PTPN2: variants seen among roughly 807,000 people sequenced by gnomAD.
The protein encoded by PTPN2 is tyrosine-protein phosphatase non-receptor type 2.
Under a neutral mutation model 57.3 loss-of-function variants are expected in PTPN2, and 19 were observed. The observed-to-expected ratio is 0.33, with a 90% confidence interval of 0.23 to 0.49. The LOEUF is 0.49. Among genes scored for constraint, PTPN2 ranks in the 20% least tolerant of loss-of-function variants. The probability of loss-of-function intolerance (pLI) is 0.99; values close to 1 mark genes in which losing one functional copy is unlikely to be tolerated. For synonymous variants in PTPN2, 153 were observed against 164.9 expected, an observed-to-expected ratio of 0.93 and a Z score of 0.55; for missense variants, 358 against 501.1, an observed-to-expected ratio of 0.71 and a Z score of 2.73.
rs1188397881 is a variant in PTPN2, at chr18:12,814,355, T to C, written c.706A>G (p.Met236Val). The change falls in exon 7 of 9, where the codon ATG (methionine) becomes GTG (valine). Residue 236 changes from methionine (M) to valine (V), a missense_variant and splice_region_variant. Around this residue, in one of 4 missense-constraint regions of PTPN2, gnomAD observed 193 missense variants for 315.4 expected, o/e 0.61. Coordinates refer to ENST00000309660, the MANE Select transcript of PTPN2 (RefSeq NM_002828.4). ...ATGTTAATATCATCTCCTTTTTCCA[T>C]CTGCAAGAAAGGCAAAAAATGAGAC... The part of the protein sequence containing the change: ...FSLVDTCLVL[M>V]EKGDDINIKQ... The C allele has an allele frequency of 1.3e-6, 2 of 1,580,164 alleles. No individual in the cohort carries two copies. The highest frequency in any genetic ancestry group is 2.3e-5 in the South Asian group (2 of 85,450).
Position 12,848,019 on chromosome 18 carries a change from C to T in PTPN2, c.161-11128G>A, listed in dbSNP as rs113452315. Among the ~76,000 whole-genome samples the T allele has an allele frequency of 2.8e-3, 420 of 151,892 alleles. 2 individuals carry two copies. Among genetic ancestry groups the T allele is most frequent in the African/African-American group, 9.7e-3 (400 of 41,398 alleles). ...CAACGGATTTTGAGAAGGTAAAGCACTACACTGACATCTGGTCTTTATTTT... is the reference window on the plus strand; with the variant it reads ...CAACGGATTTTGAGAAGGTAAAGCATTACACTGACATCTGGTCTTTATTTT... On this transcript the variant is annotated intron_variant, in intron 2 of 8. Coordinates refer to ENST00000309660, the MANE Select transcript of PTPN2 (RefSeq NM_002828.4).
At chr18:12,847,845 C>T (rs996941582) in intron 2 of PTPN2, among the ~76,000 whole-genome samples, 3 of 150,938 alleles carry the variant, frequency 2.0e-5, no homozygotes, top group Non-Finnish European at 4.4e-5. Context: ...GTGATCCACC[C>T]ACCTCTGCCT....
chr18:12,809,771 C>A (rs1293128543), intron 7 of PTPN2, among the ~76,000 whole-genome samples: 2 of 152,196 alleles, frequency 1.3e-5, no homozygotes, highest in Non-Finnish European at 2.9e-5. Flanking sequence ...CAATATGGTA[C>A]TGTTAAAAGC....
chr18:12,884,001 G>A (rs2044768392), intron 1 of PTPN2, 72 bp downstream of exon 1: 5 of 1,345,278 alleles, frequency 3.7e-6, no homozygotes, highest in South Asian at 1.3e-5. Flanking sequence ...GAGGCGGGAG[G>A]GACCCTGCGG....
intron 7 of PTPN2, among the ~76,000 whole-genome samples, chr18:12,805,295 A>G (rs1568089563): frequency 1.3e-5 from 2 of 151,978 alleles, no homozygotes; most frequent in Non-Finnish European, 2.9e-5. Flanking sequence ...CATCTCTACT[A>G]TAAATACAAA....
chr18:12,884,060 G>C lies in PTPN2; in HGVS notation c.69+13C>G, dbSNP rs765551608. The C allele has an allele frequency of 6.4e-7, 1 of 1,566,468 alleles. No individual in the cohort carries two copies. Among genetic ancestry groups the C allele is most frequent in the Non-Finnish European group, 8.6e-7 (1 of 1,157,464 alleles). ...GAGGAGGTCGGCGACTGCCGCGTGG[G>C]TCCGCGACTCACCAAGTACAGCGGC... On this transcript the variant is annotated intron_variant, in intron 1 of 8. Transcript: ENST00000309660.
At chr18:12,863,308 A>T (rs968686721) in intron 1 of PTPN2, 1 of 152,068 alleles carries the variant, frequency 6.6e-6, no homozygotes, top group Non-Finnish European at 1.5e-5. Context: ...AAATTTTTTT[A>T]ATTAGCTGGG....
intron 5 of PTPN2, among the ~76,000 whole-genome samples, chr18:12,819,682 T>C (rs2042206893): frequency 6.6e-6 from 1 of 151,962 alleles, no homozygotes; most frequent in Non-Finnish European, 1.5e-5. Flanking sequence ...ATTTATTGCA[T>C]TAAAAAAGAG....
intron 1 of PTPN2, among the ~76,000 whole-genome samples, chr18:12,870,500 A>AGAGAGAGAGAG (rs765653644): frequency 1.1e-4 from 6 of 52,742 alleles, no homozygotes; most frequent in Admixed American, 2.1e-4. Context: ...GAGAGAGAGA[A>AGAGAGAGAGAG]AAGCGTGTTG....
At chr18:12,874,683 G>A (rs1270939352) in intron 1 of PTPN2, among the ~76,000 whole-genome samples, 10 of 149,170 alleles carry the variant, frequency 6.7e-5, no homozygotes, top group South Asian at 4.3e-4. Flanking sequence ...GGAGGGAGGT[G>A]GGGGGGTCAA....
At chr18:12,857,863 A>G (rs548001613) in intron 2 of PTPN2, among the ~76,000 whole-genome samples, 2 of 152,366 alleles carry the variant, frequency 1.3e-5, no homozygotes, top group East Asian at 3.9e-4. Context: ...AAAAGCATTA[A>G]GAGAAACATA....
intron 2 of PTPN2, among the ~76,000 whole-genome samples, chr18:12,842,165 CAA>C (rs1206226358): frequency 6.6e-6 from 1 of 152,154 alleles, no homozygotes; most frequent in Non-Finnish European, 1.5e-5. Context: ...CTCGGCCTCC[CAA>C]AGTGTTGGGA....
intron 2 of PTPN2, among the ~76,000 whole-genome samples, chr18:12,842,594 C>T (rs1011902796): frequency 3.9e-5 from 6 of 152,032 alleles, no homozygotes; most frequent in African/African-American, 1.4e-4. Context: ...GCACAGAGAA[C>T]GGCGAATGAC....
At chr18:12,841,761 T>G (rs1252694509) in intron 2 of PTPN2, among the ~76,000 whole-genome samples, 1 of 152,104 alleles carries the variant, frequency 6.6e-6, no homozygotes. Context: ...TCCCCAAGAG[T>G]CTGCAATGAA....
chr18:12,874,373 A>C (rs1251753852), intron 1 of PTPN2, among the ~76,000 whole-genome samples: 2 of 121,034 alleles, frequency 1.7e-5, no homozygotes, highest in Admixed American at 1.7e-4. Flanking sequence ...GGCCGCCCCT[A>C]CTGGGAAGTG....
chr18:12,859,212 T>C lies in PTPN2; in HGVS notation c.112A>G (p.Lys38Glu). 6.2e-7 allele frequency: 1 copy of C among 1,613,566 alleles called. No individual in the cohort carries two copies. The highest frequency in any genetic ancestry group is 8.5e-7 in the Non-Finnish European group (1 of 1,179,578). The change falls in exon 2 of 9, where the codon AAG becomes GAG. Residue 38 changes from lysine to glutamate, a missense_variant. Transcript: ENST00000309660. ...TTTCGATTTCTGTTTTCTGGAAACT[T>C]GGCCACTCTATGAGGATAGTCATGG... ...ESHDYPHRVA[K>E]FPENRNRNRY... is the part of the protein sequence containing the mutation.
intron 1 of PTPN2, among the ~76,000 whole-genome samples, chr18:12,864,436 G>T (rs1219455595): frequency 1.3e-4 from 19 of 149,362 alleles, no homozygotes; most frequent in Admixed American, 1.1e-3. Context: ...TTGCTCTGTT[G>T]CCAGGCTAGG....
exon 10 of PTPN2, chr18:12,785,769 T>C (rs2040830748): frequency 3.9e-6 from 6 of 1,557,368 alleles, no homozygotes; most frequent in Middle Eastern, 2.1e-4. Context: ...GGTCTTGCTT[T>C]GCACATCAAT....
In PTPN2 at chr18:12,844,903, CT is replaced by C. The variant is rs2043164176; in HGVS notation, c.161-8013del. ...CCATCTATGATCTATCTTCAGTTAA[CT>C]TTTGTGTAAGGTGTGAGATTTCATT... On this transcript the variant is annotated intron_variant, in intron 2 of 8. Transcript: ENST00000309660. 2.0e-5 allele frequency among the ~76,000 whole-genome samples: 3 copies of C among 152,248 alleles called. No homozygotes were observed. In the South Asian group the frequency reaches 6.2e-4, roughly 32 times the overall value.
Sources: gnomAD v4.1 joint callset for allele counts (sites outside exome capture counted in the v4.1 genomes callset) on GRCh38, gnomAD v4.1.1 for gene constraint, gnomAD v4.1.1 regional missense constraint, MANE v1.5 for transcripts, NCBI Gene and HGNC (gene_info 2026-07-23, HGNC 2026-07-21) for gene names.